The following SWT1 variants were observed in gnomAD, a reference collection of about 807,000 sequenced individuals.
The protein encoded by SWT1 is SWT1 RNA endoribonuclease homolog.
Under a neutral mutation model 107.3 loss-of-function variants are expected in SWT1, and 33 were observed. The ratio of observed to expected loss-of-function variants is 0.31; its 90% confidence interval spans 0.23 to 0.41. The LOEUF (loss-of-function observed/expected upper bound fraction) is 0.41, where lower values mean the gene tolerates loss of function less well. Ranked by LOEUF, SWT1 falls within the 10% of genes least tolerant of loss-of-function variation. The probability of loss-of-function intolerance (pLI) is 1.00; values close to 1 mark genes in which losing one functional copy is unlikely to be tolerated. For missense variants in SWT1, 898 were observed against 1,028.9 expected, an observed-to-expected ratio of 0.87 and a Z score of 1.74; for synonymous variants, 345 against 348.3, an observed-to-expected ratio of 0.99 and a Z score of 0.11.
intron 16 of SWT1, chr1:185,257,884 GTTTT>G (rs1372452046): frequency 2.0e-5 from 3 of 152,014 alleles, no homozygotes; most frequent in Admixed American, 2.0e-4. Flanking sequence ...CTTTCCTCTT[GTTTT>G]TGTTTTATTA....
intron 5 of SWT1, chr1:185,176,704 G>T: frequency 1.0e-6 from 1 of 985,078 alleles, no homozygotes; most frequent in Non-Finnish European, 1.2e-6. Context: ...GTGGACTGTG[G>T]CCAGGCCTGG....
At chr1:185,157,720 T>C (rs1000038501) in intron 1 of SWT1, 1 of 152,674 alleles carries the variant, frequency 6.5e-6, no homozygotes. Context: ...GTTGCCAGTA[T>C]CAGCAGTTCT....
chr1:185,211,968 A>G (rs1215764803), intron 13 of SWT1, among the ~76,000 whole-genome samples: 1 of 151,854 alleles, frequency 6.6e-6, no homozygotes, highest in African/African-American at 2.4e-5. Flanking sequence ...AAAAAACCAA[A>G]CACTACATGT....
chr1:185,234,438 G>T (rs1477795841), intron 16 of SWT1, among the ~76,000 whole-genome samples: 1 of 152,070 alleles, frequency 6.6e-6, no homozygotes, highest in Non-Finnish European at 1.5e-5. Flanking sequence ...TGCAACCCCT[G>T]CTTTTTTTTC....
At chr1:185,206,116 G>A (rs1026978137) in intron 12 of SWT1, among the ~76,000 whole-genome samples, 11 of 151,934 alleles carry the variant, frequency 7.2e-5, no homozygotes, top group Middle Eastern at 6.3e-3. Context: ...CTGCCACCAG[G>A]CCCAGCTAAT....
At chr1:185,175,921 A>G (rs1571418897) in intron 5 of SWT1, among the ~76,000 whole-genome samples, 1 of 152,216 alleles carries the variant, frequency 6.6e-6, no homozygotes, top group African/African-American at 2.4e-5. Flanking sequence ...TATAATACCT[A>G]TCACTTAATA....
rs1248030875 is a variant in SWT1, at chr1:185,252,779, G to T, written c.2442-18544G>T. Among the ~76,000 whole-genome samples the T allele has an allele frequency of 1.4e-4, 21 of 152,034 alleles. 1 individual carries two copies. Among genetic ancestry groups the T allele is most frequent in the Admixed American group, 5.9e-4 (9 of 15,272 alleles). On this transcript the variant is annotated intron_variant, in intron 16 of 18. Transcript: ENST00000367500. Reference sequence around the variant, plus strand: ...TTTCTTTTGCTGTACAGAAGCTCTTGAGTTTAATTAGATCCCATTTGTCAA... The same window carrying T: ...TTTCTTTTGCTGTACAGAAGCTCTTTAGTTTAATTAGATCCCATTTGTCAA...
chr1:185,252,391 C>A (rs1662107143), intron 16 of SWT1, among the ~76,000 whole-genome samples: 1 of 152,020 alleles, frequency 6.6e-6, no homozygotes, highest in African/African-American at 2.4e-5. Flanking sequence ...AGTTTATAGT[C>A]CCACCAACAG....
chr1:185,224,183 C>T (rs1377968375), intron 15 of SWT1, among the ~76,000 whole-genome samples: 2 of 152,076 alleles, frequency 1.3e-5, no homozygotes, highest in East Asian at 3.9e-4. Flanking sequence ...GTTTCCTTCA[C>T]TGTGTAAAAG....
intron 15 of SWT1, chr1:185,226,803 GT>G: frequency 7.3e-7 from 1 of 1,377,358 alleles, no homozygotes; most frequent in South Asian, 1.6e-5. Context: ...AAATTGTTTG[GT>G]TTAGCTCTCA....
At position 185,174,725 on chromosome 1, in the gene SWT1, A is replaced by C. The variant is rs765331646; in HGVS notation, c.578A>C (p.Lys193Thr). ...MKELKKGRNS[K>T]FRDNSEKCVL... ...GAACTCAAGAAAGGAAGAAACAGTA[A>C]ATTTAGAGACAATTCTGAAAAATGT... Residue 193 changes from lysine (K) to threonine (T), a missense_variant, in exon 5 of 19, where the codon AAA becomes ACA. Lys to Thr is a moderately conservative substitution (Grantham distance 78). Transcript: ENST00000367500. 3 of 1,612,874 alleles carry C rather than the reference A, an allele frequency of 1.9e-6. No individual in the cohort carries two copies. Among genetic ancestry groups the C allele is most frequent in the Admixed American group, 1.7e-5 (1 of 59,766 alleles).
intron 10 of SWT1, among the ~76,000 whole-genome samples, chr1:185,195,329 C>T (rs1657293794): frequency 6.6e-6 from 1 of 152,172 alleles, no homozygotes; most frequent in Admixed American, 6.5e-5. Flanking sequence ...GACATGAACT[C>T]ATCTTTTTTT....
chr1:185,199,632 T>G (rs1309070504), intron 10 of SWT1, among the ~76,000 whole-genome samples: 1 of 152,234 alleles, frequency 6.6e-6, no homozygotes, highest in Non-Finnish European at 1.5e-5. Flanking sequence ...CTGCTGGGCT[T>G]CCCTTTGTGG....
At chr1:185,172,966 C>T (rs1474452224) in intron 4 of SWT1, among the ~76,000 whole-genome samples, 1 of 150,750 alleles carries the variant, frequency 6.6e-6, no homozygotes, top group Non-Finnish European at 1.5e-5. Context: ...ATCGCTTGAA[C>T]CTGGGAGGCG....
chr1:185,181,445 G>C (rs140961717), intron 6 of SWT1, among the ~76,000 whole-genome samples: 1 of 152,176 alleles, frequency 6.6e-6, no homozygotes, highest in Admixed American at 6.5e-5. Context: ...TTTCTGTGAA[G>C]TGAGAATGGT....
rs527391967 is a variant in SWT1, at chr1:185,250,958, C to T, written c.2441+19250C>T. On this transcript the variant is annotated intron_variant, in intron 16 of 18. Coordinates refer to ENST00000367500, the MANE Select transcript of SWT1 (RefSeq NM_017673.7). ...GATTACAGGTATGAGCCACTGCACC[C>T]GGCCTGGAAATATTTTTCTTTGTTT... Among the ~76,000 whole-genome samples the T allele has an allele frequency of 7.2e-5, 11 of 152,244 alleles. No individual in the cohort carries two copies. In the East Asian group the frequency reaches 1.4e-3, roughly 19 times the overall value.
At position 185,192,940 on chromosome 1, in the gene SWT1, G is replaced by A. The variant is rs1391824948; in HGVS notation, c.1523+2298G>A. Among the ~76,000 whole-genome samples, 5 of 152,012 alleles carry A rather than the reference G, an allele frequency of 3.3e-5. No individual in the cohort carries two copies. The East Asian group carries it at 9.6e-4, about 29-fold the overall frequency. ...TGGAATTACAAGTATGAGCCACCGC[G>A]CCTGGCCCAGAAAGTACTCTCTTGC... On this transcript the variant is annotated intron_variant, in intron 10 of 18. Coordinates refer to ENST00000367500, the MANE Select transcript of SWT1 (RefSeq NM_017673.7).
chr1:185,200,228 A>G (rs1221110878), intron 10 of SWT1, among the ~76,000 whole-genome samples: 1 of 151,888 alleles, frequency 6.6e-6, no homozygotes, highest in Non-Finnish European at 1.5e-5. Flanking sequence ...GCTATTACTC[A>G]CCTTCTGAAG....
intron 5 of SWT1, among the ~76,000 whole-genome samples, chr1:185,175,669 T>C (rs75153027): frequency 2.6e-5 from 4 of 152,194 alleles, no homozygotes; most frequent in Non-Finnish European, 5.9e-5. Flanking sequence ...CAAGGATTCA[T>C]AATAGAAAGG....
Sources: gnomAD v4.1 joint callset for allele counts (sites outside exome capture counted in the v4.1 genomes callset) on GRCh38, gnomAD v4.1.1 for gene constraint, MANE v1.5 for transcripts, NCBI Gene and HGNC (gene_info 2026-07-23, HGNC 2026-07-21) for gene names.